NTN4: variants seen among roughly 807,000 people sequenced by gnomAD.
NTN4 encodes the protein netrin-4.
A neutral mutation model predicts 73.6 loss-of-function variants in NTN4; 32 were observed. That is an observed-to-expected ratio of 0.44 (90% CI 0.33 to 0.58). The LOEUF (loss-of-function observed/expected upper bound fraction) is 0.58, where lower values mean the gene tolerates loss of function less well. Among genes scored for constraint, NTN4 ranks in the 20% least tolerant of loss-of-function variants. The probability of loss-of-function intolerance (pLI) is 0.04; values close to 1 mark genes in which losing one functional copy is unlikely to be tolerated. For missense variants in NTN4, 654 were observed against 798.3 expected (o/e 0.82, Z 2.18); for synonymous variants, 258 against 287.5 (o/e 0.90, Z 1.04).
chr12:95,712,787 C>CTTTTTTT (rs35614636), intron 4 of NTN4, among the ~76,000 whole-genome samples: 421 of 105,660 alleles, frequency 4.0e-3, no homozygotes, highest in East Asian at 0.018. Flanking sequence ...TTCTTTCTTT[C>CTTTTTTT]TTTTTTTTTT....
intron 2 of NTN4, among the ~76,000 whole-genome samples, chr12:95,760,736 G>T (rs1044365175): frequency 6.6e-6 from 1 of 151,040 alleles, no homozygotes; most frequent in Non-Finnish European, 1.5e-5. Context: ...GGAAAGAAGA[G>T]GGGGGCAGTC....
intron 2 of NTN4, among the ~76,000 whole-genome samples, chr12:95,764,307 T>G (rs1443468841): frequency 3.9e-5 from 6 of 152,204 alleles, no homozygotes; most frequent in Non-Finnish European, 8.8e-5. Context: ...CCCTCTTGGC[T>G]ATACTCACAG....
rs2079135576 is a variant in NTN4 at position 95,781,918 on chromosome 12, TG to T, written c.585+5020del. ...AGTTTCATGGATACAGGGATTTTTATGTGTTTGGTTCACTGCCATGTCTATG... is the reference window on the plus strand; with the variant it reads ...AGTTTCATGGATACAGGGATTTTTATTGTTTGGTTCACTGCCATGTCTATG... On this transcript the variant is annotated intron_variant, in intron 2 of 9. Coordinates refer to ENST00000343702, the MANE Select transcript of NTN4 (RefSeq NM_021229.4). The surrounding 1 kb of genome is among the most constrained non-coding windows in gnomAD (Gnocchi z 4.1). Among the ~76,000 whole-genome samples the T allele has an allele frequency of 6.6e-6, 1 of 152,232 alleles. No homozygotes were observed. Among genetic ancestry groups the T allele is most frequent in the East Asian group, 1.9e-4 (1 of 5,198 alleles).
chr12:95,673,672 A>G (rs1407199522), intron 7 of NTN4: 1 of 152,390 alleles, frequency 6.6e-6, no homozygotes, highest in Admixed American at 6.6e-5. Flanking sequence ...CAAAACCATA[A>G]TCCTTCTCGG....
chr12:95,756,676 C>G (rs1470188852), intron 2 of NTN4, among the ~76,000 whole-genome samples: 1 of 152,192 alleles, frequency 6.6e-6, no homozygotes, highest in African/African-American at 2.4e-5. Context: ...TGCTTGACCT[C>G]TGGTGGAAAT....
intron 9 of NTN4, among the ~76,000 whole-genome samples, chr12:95,665,199 A>G (rs576557202): frequency 6.6e-6 from 1 of 152,318 alleles, no homozygotes; most frequent in East Asian, 1.9e-4. Context: ...ATTTGTCTTC[A>G]CTTCTGCTAT....
At chr12:95,775,060 T>A (rs2079081912) in intron 2 of NTN4, among the ~76,000 whole-genome samples, 1 of 152,226 alleles carries the variant, frequency 6.6e-6, no homozygotes, top group African/African-American at 2.4e-5. Context: ...AATATTCTTT[T>A]CCATTAACAA....
At chr12:95,762,963 C>T (rs555699982) in intron 2 of NTN4, among the ~76,000 whole-genome samples, 2 of 152,236 alleles carry the variant, frequency 1.3e-5, no homozygotes, top group Admixed American at 6.5e-5. Flanking sequence ...ATATAAATTC[C>T]GACTGTGTCT....
At position 95,701,551 on chromosome 12, in the gene NTN4, C is replaced by G. The variant is rs376691457; in HGVS notation, c.1180+8890G>C. The stretch of plus-strand genomic sequence containing the variant: ...AATGTGTAGTTGATTGTGCTGGGTC[C>G]AACAGTAGACTCTGATTAAGGTTGA... On this transcript the variant is annotated intron_variant, in intron 5 of 9. Coordinates refer to ENST00000343702, the MANE Select transcript of NTN4 (RefSeq NM_021229.4). Among the ~76,000 whole-genome samples the G allele has an allele frequency of 2.0e-5, 3 of 151,986 alleles. No homozygotes were observed. The East Asian group carries it at 5.8e-4, about 29-fold the overall frequency.
intron 3 of NTN4, among the ~76,000 whole-genome samples, chr12:95,721,575 C>G (rs2078647987): frequency 6.6e-6 from 1 of 152,144 alleles, no homozygotes; most frequent in African/African-American, 2.4e-5. Context: ...TAAATAAACT[C>G]TAATTAAAGA....
intron 9 of NTN4, among the ~76,000 whole-genome samples, chr12:95,662,687 C>T (rs1261561266): frequency 1.3e-5 from 2 of 152,024 alleles, no homozygotes; most frequent in African/African-American, 4.8e-5. Context: ...TAAAAGGCAA[C>T]CTTAACTTCT....
At chr12:95,703,119 A>G (rs2078498936) in intron 5 of NTN4, among the ~76,000 whole-genome samples, 1 of 152,052 alleles carries the variant, frequency 6.6e-6, no homozygotes, top group African/African-American at 2.4e-5. Context: ...GGCCTCCCAA[A>G]GTGCTGGGAT....
chr12:95,698,694 A>T (rs981361193), intron 5 of NTN4, among the ~76,000 whole-genome samples: 23 of 152,102 alleles, frequency 1.5e-4, no homozygotes, highest in African/African-American at 5.3e-4. Context: ...TACTAAAAAT[A>T]AAAAATTAAA....
intron 2 of NTN4, among the ~76,000 whole-genome samples, chr12:95,782,851 A>G (rs550217224): frequency 9.2e-5 from 14 of 152,286 alleles, no homozygotes; most frequent in Admixed American, 7.8e-4. Flanking sequence ...ACATCCCTTT[A>G]GAGTTACTTT....
At chr12:95,692,048 T>TG (rs536156566) in intron 5 of NTN4, among the ~76,000 whole-genome samples, 4 of 152,108 alleles carry the variant, frequency 2.6e-5, no homozygotes, top group Non-Finnish European at 4.4e-5. Flanking sequence ...TACCTTTTTT[T>TG]GGGGGGGACA....
chr12:95,785,194 G>A (rs895393646), intron 2 of NTN4, among the ~76,000 whole-genome samples: 1 of 152,190 alleles, frequency 6.6e-6, no homozygotes, highest in Non-Finnish European at 1.5e-5. Context: ...AAATGAGCAT[G>A]CCTGCCATCT....
intron 2 of NTN4, among the ~76,000 whole-genome samples, chr12:95,770,131 C>T (rs1016416198): frequency 6.6e-6 from 1 of 152,116 alleles, no homozygotes; most frequent in African/African-American, 2.4e-5. Flanking sequence ...AGTACAGAGT[C>T]CTTCTCAGGC....
chr12:95,682,125 C>T (rs143786858), intron 7 of NTN4, among the ~76,000 whole-genome samples: 245 of 122,384 alleles, frequency 2.0e-3, no homozygotes, highest in African/African-American at 7.5e-3. Flanking sequence ...TGCAGTGGCA[C>T]GATCACAGCT....
At chr12:95,786,819 AT>A (rs1434072703) in intron 2 of NTN4, 119 bp downstream of exon 2, 1 of 777,032 alleles carries the variant, frequency 1.3e-6, no homozygotes, top group Non-Finnish European at 2.0e-6. Context: ...AATAAATCTC[AT>A]GAAAAATTCT....
Sources: allele counts gnomAD v4.1 joint callset (sites outside exome capture counted in the v4.1 genomes callset), GRCh38; gene constraint gnomAD v4.1.1; non-coding constraint Gnocchi (gnomAD v3.1); transcripts MANE v1.5; gene names NCBI Gene and HGNC (gene_info 2026-07-23, HGNC 2026-07-21).